The following TEPSIN variants were observed in gnomAD, a reference collection of about 807,000 sequenced individuals.
TEPSIN encodes the protein AP-4 complex accessory subunit tepsin.
Under a neutral mutation model 48.5 loss-of-function variants are expected in TEPSIN, and 50 were observed. The ratio of observed to expected loss-of-function variants is 1.03; its 90% confidence interval spans 0.82 to 1.31. The LOEUF (loss-of-function observed/expected upper bound fraction) is 1.31, where lower values mean the gene tolerates loss of function less well. TEPSIN is among the 50% of genes most tolerant of loss of function. The probability of loss-of-function intolerance (pLI) is 0.00; values close to 1 mark genes in which losing one functional copy is unlikely to be tolerated. For missense variants in TEPSIN, 838 were observed against 815.9 expected, an observed-to-expected ratio of 1.03 and a Z score of -0.33; for synonymous variants, 392 against 358.8, an observed-to-expected ratio of 1.09 and a Z score of -1.05.
Position 81,234,624 on chromosome 17 carries a change from T to C in TEPSIN, c.308-576A>G, listed in dbSNP as rs1332767780. ...TGCCTCTGAGAACCCCTCGAGAGCC[T>C]CTGTCACAGGCGAATCCACTCACGC... On this transcript the variant is annotated intron_variant, in intron 4 of 12. Transcript: ENST00000637944. This position sits in a 1 kb window ranked among gnomAD's most constrained non-coding sequence, Gnocchi z 5.4. Among the ~76,000 whole-genome samples, 1 of 151,754 alleles carries C rather than the reference T, an allele frequency of 6.6e-6. No individual in the cohort carries two copies. Among genetic ancestry groups the C allele is most frequent in the Non-Finnish European group, 1.5e-5 (1 of 67,794 alleles).
At position 81,233,150 on chromosome 17, in the gene TEPSIN, C is replaced by T. The variant is rs1260312077; in HGVS notation, c.526+282G>A. The T allele has an allele frequency of 5.7e-6, 3 of 530,468 alleles. No homozygotes were observed. The highest frequency in any genetic ancestry group is 4.8e-4 in the Middle Eastern group (1 of 2,068). The allele number at this position is 530,468 out of a possible 1,614,324, so 32.9% of individuals were successfully genotyped here. On this transcript the variant is annotated intron_variant, in intron 7 of 12. Transcript: ENST00000637944. This position sits in a 1 kb window ranked among gnomAD's most constrained non-coding sequence, Gnocchi z 5.8. ...CAGCCAGGGGCACAGCCCTCGGCCCCTCTCAGAGTGGGACTCACCCCTGCC... is the reference window on the plus strand; with the variant it reads ...CAGCCAGGGGCACAGCCCTCGGCCCTTCTCAGAGTGGGACTCACCCCTGCC...
chr17:81,229,350 C>A lies in TEPSIN; in HGVS notation c.1360G>T (p.Gly454Trp). The change falls in exon 13 of 13, where the codon GGG (glycine) becomes TGG (tryptophan). Residue 454 changes from glycine to tryptophan, a missense_variant. By Grantham distance (184) the Gly-to-Trp change is radical. Transcript: ENST00000637944. Reference sequence around the variant, plus strand: ...AGAGGCTGCAGGAAGACCTGGCTCCCAGGGAGAGGCACAGCGTCGGTCAGC... The same window carrying A: ...AGAGGCTGCAGGAAGACCTGGCTCCAAGGGAGAGGCACAGCGTCGGTCAGC... ...DLLTDAVPLP[G>W]SQVFLQPLSS... 1 of 1,562,522 alleles carries A rather than the reference C, an allele frequency of 6.4e-7. No homozygotes were observed. The highest frequency in any genetic ancestry group is 1.4e-5 in the African/African-American group (1 of 73,708).
chr17:81,232,320 G>A lies in TEPSIN; in HGVS notation c.725C>T (p.Pro242Leu). ...GNLLPGAIPGPRAVRHQPGQA... is the reference protein window; with the variant it reads ...GNLLPGAIPGLRAVRHQPGQA... ...AGGAGCCCTCGCCTCGATACCTCGGGGACCTGGAATGGCCCCGGGGAGTAG... is the reference window on the plus strand; with the variant it reads ...AGGAGCCCTCGCCTCGATACCTCGGAGACCTGGAATGGCCCCGGGGAGTAG... The change falls in exon 8 of 13, where the codon CCC becomes CTC. Residue 242 changes from proline to leucine, a missense_variant. By Grantham distance (98) the Pro-to-Leu change is moderately conservative. Transcript: ENST00000637944. The A allele has an allele frequency of 2.0e-6, 3 of 1,527,900 alleles. No individual in the cohort carries two copies. Among genetic ancestry groups the A allele is most frequent in the East Asian group, 4.9e-5 (2 of 40,664 alleles). 94.6% of individuals were successfully genotyped at this position (1,527,900 alleles called of 1,614,324 possible).
rs921190730 is a variant in TEPSIN at position 81,234,826 on chromosome 17, G to A, written c.308-778C>T. On this transcript the variant is annotated intron_variant, in intron 4 of 12. Coordinates refer to ENST00000637944, the MANE Select transcript of TEPSIN (RefSeq NM_001363764.2). This position sits in a 1 kb window ranked among gnomAD's most constrained non-coding sequence, Gnocchi z 5.4. ...CCAGGGCACCCACCTGCCACCCCAC[G>A]CTGCCCCTGCTCTGTGACAGAGCAG... Among the ~76,000 whole-genome samples the A allele has an allele frequency of 3.9e-5, 6 of 152,086 alleles. No individual in the cohort carries two copies. The highest frequency in any genetic ancestry group is 1.2e-4 in the African/African-American group (5 of 41,478).
intron 7 of TEPSIN, 70 bp from the exon 8 acceptor site, chr17:81,232,588 G>A (rs1017408177): frequency 1.4e-6 from 2 of 1,408,962 alleles, no homozygotes; most frequent in Non-Finnish European, 1.9e-6. Flanking sequence ...TGGGAGCAGG[G>A]TGCCCGCATC....
In TEPSIN at chr17:81,239,010, C is replaced by G; in HGVS notation, c.24G>C (p.Arg8=). MAAAPPL[R]DRLSFLHRLP... ...CCCGGTGTAGAAAGCTCAGGCGGTC[C>G]CGTAGCGGCGGCGCGGCAGCCATGA... Residue 8 remains arginine (R), a synonymous_variant, in exon 1 of 13, where the codon CGG becomes CGC. Transcript: ENST00000637944. 2.0e-6 allele frequency: 3 copies of G among 1,489,554 alleles called. No homozygotes were observed. The highest frequency in any genetic ancestry group is 2.7e-6 in the Non-Finnish European group (3 of 1,124,932). The allele number at this position is 1,489,554 out of a possible 1,614,324, so 92.3% of individuals were successfully genotyped here.
chr17:81,231,636 C>T lies in TEPSIN; in HGVS notation c.961G>A (p.Val321Met), dbSNP rs1339988889. 6.2e-7 allele frequency: 1 copy of T among 1,613,294 alleles called. No homozygotes were observed. The highest frequency in any genetic ancestry group is 2.2e-5 in the East Asian group (1 of 44,868). Residue 321 changes from valine (V) to methionine (M), a missense_variant, in exon 10 of 13, where the codon GTG becomes ATG. Coordinates refer to ENST00000637944, the MANE Select transcript of TEPSIN (RefSeq NM_001363764.2). ...AGGAAGGCGCGTGGTCCCCGAGTCACAGTCCTCACCAAGCTCAACTCCTGC... is the reference window on the plus strand; with the variant it reads ...AGGAAGGCGCGTGGTCCCCGAGTCATAGTCCTCACCAAGCTCAACTCCTGC... ...CQQELSLVRT[V>M]TRGPRAFLSR... is the part of the protein sequence containing the mutation.
In TEPSIN at chr17:81,233,777, C is replaced by T; in HGVS notation, c.376-61G>A. On this transcript the variant is annotated intron_variant, in intron 5 of 12. Coordinates refer to ENST00000637944, the MANE Select transcript of TEPSIN (RefSeq NM_001363764.2). This position sits in a 1 kb window ranked among gnomAD's most constrained non-coding sequence, Gnocchi z 5.8. ...ACCAGGGCCTGCTGTACTCACCCTGCCACCCATATCAGCTCCGTTCTGTCC... is the reference window on the plus strand; with the variant it reads ...ACCAGGGCCTGCTGTACTCACCCTGTCACCCATATCAGCTCCGTTCTGTCC... 1.3e-6 allele frequency: 2 copies of T among 1,494,110 alleles called. No homozygotes were observed. Among genetic ancestry groups the T allele is most frequent in the East Asian group, 2.4e-5 (1 of 42,026 alleles). 92.6% of individuals were successfully genotyped at this position (1,494,110 alleles called of 1,614,324 possible).
intron 1 of TEPSIN, 76 bp from the exon 2 acceptor site, chr17:81,237,535 G>A: frequency 7.0e-7 from 1 of 1,438,240 alleles, no homozygotes; most frequent in South Asian, 1.3e-5. Context: ...CCCCAAAGGG[G>A]ATGGAAACGA....
chr17:81,239,038 C>G lies in TEPSIN; in HGVS notation c.-5G>C. 2.0e-6 allele frequency: 3 copies of G among 1,492,486 alleles called. No individual in the cohort carries two copies. The highest frequency in any genetic ancestry group is 1.8e-6 in the Non-Finnish European group (2 of 1,125,982). The allele number at this position is 1,492,486 out of a possible 1,614,324, so 92.5% of individuals were successfully genotyped here. On this transcript the variant is annotated 5_prime_UTR_variant, in exon 1 of 13. Coordinates refer to ENST00000637944, the MANE Select transcript of TEPSIN (RefSeq NM_001363764.2). Reference sequence around the variant, plus strand: ...TAGCGGCGGCGCGGCAGCCATGATCCAGGTCCCCTCCCGGTCTGCCCCGCT... The same window carrying G: ...TAGCGGCGGCGCGGCAGCCATGATCGAGGTCCCCTCCCGGTCTGCCCCGCT...
chr17:81,236,162 C>A (rs1318901715), intron 4 of TEPSIN, among the ~76,000 whole-genome samples: 1 of 152,212 alleles, frequency 6.6e-6, no homozygotes, highest in African/African-American at 2.4e-5. Context: ...CCCAAGCCTG[C>A]GGGGACAGCT....
intron 7 of TEPSIN, 138 bp from the exon 8 acceptor site, chr17:81,232,656 T>C (rs2062641377): frequency 6.5e-6 from 5 of 769,370 alleles, no homozygotes; most frequent in Non-Finnish European, 1.0e-5. Flanking sequence ...GGAGGCCTCC[T>C]GGTGGGCCCC....
intron 11 of TEPSIN, 70 bp downstream of exon 11, chr17:81,231,328 C>A (rs953867374): frequency 2.0e-5 from 28 of 1,395,178 alleles, no homozygotes; most frequent in Non-Finnish European, 2.5e-5. Flanking sequence ...TGCACACACA[C>A]GCACACGCAC....
Position 81,238,569 on chromosome 17 carries a change from G to A in TEPSIN, c.48+417C>T, listed in dbSNP as rs572115968. ...CGTCTGTGTTCTCTGCAACCCAGGG[G>A]TGCCTCTCCAGGACCGGAGTCCTCT... On this transcript the variant is annotated intron_variant, in intron 1 of 12. Transcript: ENST00000637944. The A allele has an allele frequency of 1.2e-5, 12 of 1,031,862 alleles. No homozygotes were observed. In the Admixed American group the frequency reaches 2.2e-4, roughly 19 times the overall value. The allele number at this position is 1,031,862 out of a possible 1,614,324, so 63.9% of individuals were successfully genotyped here.
In TEPSIN at chr17:81,233,485, C is replaced by G; in HGVS notation, c.473G>C (p.Arg158Thr). 1.1e-5 allele frequency: 18 copies of G among 1,606,178 alleles called. No homozygotes were observed. Among genetic ancestry groups the G allele is most frequent in the Non-Finnish European group, 1.5e-5 (18 of 1,176,388 alleles). Residue 158 changes from arginine to threonine, a missense_variant, in exon 7 of 13, where the codon AGG (arginine) becomes ACG (threonine). Arg to Thr is a moderately conservative substitution (Grantham distance 71). Coordinates refer to ENST00000637944, the MANE Select transcript of TEPSIN (RefSeq NM_001363764.2). This position sits in a 1 kb window ranked among gnomAD's most constrained non-coding sequence, Gnocchi z 5.8. ...PPATGMGSQA[R>T]PHSTLQGFGY... ...GAAACCCTGGAGGGTGCTGTGCGGC[C>G]TGGCCTGGGAGCCCATGCCTGCAGA...
In TEPSIN at chr17:81,234,313, G is replaced by A. The variant is rs969145519; in HGVS notation, c.308-265C>T. On this transcript the variant is annotated intron_variant, in intron 4 of 12. Transcript: ENST00000637944. The surrounding 1 kb of genome is among the most constrained non-coding windows in gnomAD (Gnocchi z 5.4). ...TCCCCCAGGGTCGGCAACCCCTGGT[G>A]CCTGAGCGGGTGTGGCCTCCCCGAA... is the stretch of plus-strand genomic sequence containing the variant. 2.8e-6 allele frequency: 1 copy of A among 362,526 alleles called. No homozygotes were observed. The highest frequency in any genetic ancestry group is 4.3e-5 in the East Asian group (1 of 23,520). 22.5% of individuals were successfully genotyped at this position (362,526 alleles called of 1,614,324 possible).
chr17:81,230,128 A>C lies in TEPSIN; in HGVS notation c.1233+416T>G. ...GCCGCCAGGCAGTTCAGAGTGTTCAAGTGCACAGAGATGAATGGAACCATT... is the reference window on the plus strand; with the variant it reads ...GCCGCCAGGCAGTTCAGAGTGTTCACGTGCACAGAGATGAATGGAACCATT... On this transcript the variant is annotated intron_variant, in intron 12 of 12. Transcript: ENST00000637944. This position sits in a 1 kb window ranked among gnomAD's most constrained non-coding sequence, Gnocchi z 4.2. 5.3e-6 allele frequency: 1 copy of C among 187,500 alleles called. No individual in the cohort carries two copies. The allele number at this position is 187,500 out of a possible 1,614,324, so 11.6% of individuals were successfully genotyped here. A position where few individuals can be genotyped will look rare whatever the true frequency, so the allele number is the denominator to read the frequency against.
In TEPSIN at chr17:81,233,994, C is replaced by A. The variant is rs373049277; in HGVS notation, c.362G>T (p.Arg121Leu). 2.5e-6 allele frequency: 4 copies of A among 1,599,574 alleles called. No homozygotes were observed. Among genetic ancestry groups the A allele is most frequent in the Middle Eastern group, 1.7e-4 (1 of 5,978 alleles). ...TCCTGGGCTCACCTGCGCGGCCGCG[C>A]GAACCTTCTGGTACAAGCTGTTCCC... ...LHGNSLYQKV[R>L]AAAQDLGSTL... The change falls in exon 5 of 13, where the codon CGC becomes CTC. Residue 121 changes from arginine to leucine, a missense_variant. Transcript: ENST00000637944. The surrounding 1 kb of genome is among the most constrained non-coding windows in gnomAD (Gnocchi z 5.8).
At chr17:81,236,895 C>A in intron 3 of TEPSIN, 85 bp downstream of exon 3, 1 of 1,529,476 alleles carries the variant, frequency 6.5e-7, no homozygotes, top group Non-Finnish European at 8.8e-7. Flanking sequence ...GAGCTGCCTG[C>A]CACCCTGGGC....
Sources: allele counts gnomAD v4.1 joint callset (sites outside exome capture counted in the v4.1 genomes callset), GRCh38; gene constraint gnomAD v4.1.1; non-coding constraint Gnocchi (gnomAD v3.1); transcripts MANE v1.5; gene names NCBI Gene and HGNC (gene_info 2026-07-23, HGNC 2026-07-21).